ABLIM1: variants seen among roughly 807,000 people sequenced by gnomAD.
The protein encoded by ABLIM1 is actin binding LIM protein 1.
In ABLIM1, 40 loss-of-function variants were observed where a neutral mutation model predicts 107.0. The observed-to-expected ratio is 0.37, with a 90% CI of 0.29 to 0.49. ABLIM1 has a LOEUF of 0.49. ABLIM1 is among the 20% of genes least tolerant of loss of function. ABLIM1 has a pLI of 0.97. For missense variants in ABLIM1, 857 were observed against 1,008.5 expected, an observed-to-expected ratio of 0.85 and a Z score of 2.04; for synonymous variants, 357 against 357.3, an observed-to-expected ratio of 1.00 and a Z score of 0.01.
At chr10:114,766,731 G>A (rs2082903346) in intron 1 of ABLIM1, among the ~76,000 whole-genome samples, 1 of 152,140 alleles carries the variant, frequency 6.6e-6, no homozygotes, top group Non-Finnish European at 1.5e-5. Context: ...TGTTCCTTGT[G>A]GTACTTAGGA....
chr10:114,620,240 G>T (rs1302788938), intron 1 of ABLIM1, among the ~76,000 whole-genome samples: 1 of 152,168 alleles, frequency 6.6e-6, no homozygotes, highest in Non-Finnish European at 1.5e-5. Flanking sequence ...TGCTTCATGT[G>T]AGTTTTATTT....
chr10:114,519,638 C>G (rs538556483), intron 6 of ABLIM1, among the ~76,000 whole-genome samples: 2 of 152,278 alleles, frequency 1.3e-5, no homozygotes, highest in South Asian at 4.1e-4. Context: ...ATTAAAAGGG[C>G]AAAAATCCCT....
chr10:114,436,843 C>G (rs915544106), intron 22 of ABLIM1, among the ~76,000 whole-genome samples: 1 of 152,010 alleles, frequency 6.6e-6, no homozygotes, highest in African/African-American at 2.4e-5. Flanking sequence ...GTCATTCCCC[C>G]CTAGAAAAGT....
intron 1 of ABLIM1, among the ~76,000 whole-genome samples, chr10:114,656,767 G>A (rs551086461): frequency 5.9e-5 from 9 of 152,266 alleles, no homozygotes; most frequent in Admixed American, 4.6e-4. Flanking sequence ...GTACTGACAC[G>A]TGCTACAACA....
chr10:114,772,453 T>C (rs1461918273), upstream of ABLIM1, among the ~76,000 whole-genome samples: 1 of 151,764 alleles, frequency 6.6e-6, no homozygotes, highest in Non-Finnish European at 1.5e-5. Flanking sequence ...AAAAAAAAAT[T>C]TAAATTAGCC....
At chr10:114,685,183 A>G (rs2080900973), upstream of ABLIM1, among the ~76,000 whole-genome samples, 3 of 152,202 alleles carry the variant, frequency 2.0e-5, no homozygotes, top group African/African-American at 4.8e-5. Context: ...ATTTTTGAAC[A>G]CCGGGAATTT....
chr10:114,493,384 T>C (rs1322475994), intron 6 of ABLIM1, among the ~76,000 whole-genome samples: 3 of 152,198 alleles, frequency 2.0e-5, no homozygotes, highest in African/African-American at 7.2e-5. Context: ...TACCTCCTGG[T>C]AAGCTACAAA....
At position 114,528,058 on chromosome 10, in the gene ABLIM1, G is replaced by A. The variant is rs192912218; in HGVS notation, c.894+16947C>T. On this transcript the variant is annotated intron_variant, in intron 6 of 22. Coordinates refer to ENST00000533213, the MANE Select transcript of ABLIM1 (RefSeq NM_002313.7). ...TCACCACATTGGCCAGGATGGTCTCGATCTCTTGACCTTGTGATCCGCCCG... is the reference window on the plus strand; with the variant it reads ...TCACCACATTGGCCAGGATGGTCTCAATCTCTTGACCTTGTGATCCGCCCG... 4.2e-3 allele frequency among the ~76,000 whole-genome samples: 633 copies of A among 152,022 alleles called. 4 individuals are homozygous for A. The highest frequency in any genetic ancestry group is 0.014 in the African/African-American group (601 of 41,466).
chr10:114,772,268 C>T (rs2083033154), upstream of ABLIM1, among the ~76,000 whole-genome samples: 1 of 152,110 alleles, frequency 6.6e-6, no homozygotes, highest in African/African-American at 2.4e-5. Flanking sequence ...ATATCCCTGG[C>T]TCCCGAGAGA....
chr10:114,682,665 T>C (rs538502904), intron 1 of ABLIM1, among the ~76,000 whole-genome samples: 119 of 152,138 alleles, frequency 7.8e-4, no homozygotes, highest in Non-Finnish European at 1.4e-3. Flanking sequence ...CTGAGTGTTC[T>C]AGAGATACGG....
intron 4 of ABLIM1, among the ~76,000 whole-genome samples, chr10:114,564,261 G>C (rs930722271): frequency 4.0e-5 from 6 of 151,354 alleles, no homozygotes; most frequent in African/African-American, 1.5e-4. Flanking sequence ...TTCCTCCTGC[G>C]TGGGTTTTTT....
At chr10:114,487,127 A>ATGCC (rs2058309569) in intron 8 of ABLIM1, among the ~76,000 whole-genome samples, 1 of 152,180 alleles carries the variant, frequency 6.6e-6, no homozygotes, top group South Asian at 2.1e-4. Context: ...ATAGCTTCTG[A>ATGCC]TGCCTGGTAA....
At chr10:114,464,477 C>T (rs763610714) in intron 12 of ABLIM1, among the ~76,000 whole-genome samples, 11 of 152,250 alleles carry the variant, frequency 7.2e-5, no homozygotes, top group African/African-American at 1.7e-4. Context: ...TGAGCCACCA[C>T]GCCTGGCCCA....
Position 114,601,741 on chromosome 10 carries a change from G to A in ABLIM1, c.379+86C>T, listed in dbSNP as rs113945033. 4,960 of 1,588,572 alleles carry A rather than the reference G, an allele frequency of 3.1e-3. 124 individuals carry two copies. In the African/African-American group the frequency reaches 0.059, roughly 19 times the overall value. ...AGCATTCGCTTATCATCCAGTGACC[G>A]GATGTGGAGTTAAGGGGATGGGCTG... On this transcript the variant is annotated intron_variant, in intron 2 of 22. Coordinates refer to ENST00000533213, the MANE Select transcript of ABLIM1 (RefSeq NM_002313.7).
chr10:114,741,210 A>ATTC (rs1331379816), intron 1 of ABLIM1, among the ~76,000 whole-genome samples: 2 of 93,406 alleles, frequency 2.1e-5, no homozygotes, highest in African/African-American at 8.0e-5. Context: ...TGATAGGACT[A>ATTC]TTCTTCTTTT....
chr10:114,624,140 C>T (rs1456037249), intron 1 of ABLIM1, among the ~76,000 whole-genome samples: 2 of 152,166 alleles, frequency 1.3e-5, no homozygotes, highest in African/African-American at 4.8e-5. Context: ...CTGTGGTGCA[C>T]CCAGATCAAA....
At position 114,445,386 on chromosome 10, in the gene ABLIM1, T is replaced by C; in HGVS notation, c.1753A>G (p.Arg585Gly). The C allele has an allele frequency of 6.2e-7, 1 of 1,613,778 alleles. No individual in the cohort carries two copies. The highest frequency in any genetic ancestry group is 8.5e-7 in the Non-Finnish European group (1 of 1,179,810). The change falls in exon 16 of 23, where the codon AGA (arginine) becomes GGA (glycine). Residue 585 changes from arginine to glycine, a missense_variant. Arg to Gly is a moderately radical substitution (Grantham distance 125). Around this residue, in one of 5 missense-constraint regions of ABLIM1, gnomAD observed 103 missense variants for 101.0 expected, o/e 1.02. Coordinates refer to ENST00000533213, the MANE Select transcript of ABLIM1 (RefSeq NM_002313.7). ...TCATCTTCCTCTCTGCCACTAGATC[T>C]GCGTTTCATGTCAGGTCCTAATTCC... The part of the protein sequence containing the change: ...FAVVGPDMKR[R>G]SSGREEDDEE...
intron 1 of ABLIM1, among the ~76,000 whole-genome samples, chr10:114,752,202 G>A (rs1050047316): frequency 1.3e-5 from 2 of 152,146 alleles, no homozygotes; most frequent in Admixed American, 6.5e-5. Context: ...GAATAGAGGG[G>A]ACTAGGGATG....
At chr10:114,577,491 C>CA (rs1445596218) in intron 2 of ABLIM1, among the ~76,000 whole-genome samples, 1 of 152,040 alleles carries the variant, frequency 6.6e-6, no homozygotes, top group African/African-American at 2.4e-5. Flanking sequence ...TGGCAATACA[C>CA]AAAAAATAGA....
Sources: gnomAD v4.1 joint callset for allele counts (sites outside exome capture counted in the v4.1 genomes callset) on GRCh38, gnomAD v4.1.1 for gene constraint, gnomAD v4.1.1 regional missense constraint, MANE v1.5 for transcripts, NCBI Gene and HGNC (gene_info 2026-07-23, HGNC 2026-07-21) for gene names.